CD2AP: variants seen among roughly 807,000 people sequenced by gnomAD.
CD2AP encodes CD2 associated protein, also known as CD2-associated protein.
In CD2AP, 46 loss-of-function variants were observed where a neutral mutation model predicts 85.1. That is an observed-to-expected ratio of 0.54 (90% confidence interval 0.43 to 0.69). The LOEUF (loss-of-function observed/expected upper bound fraction) is 0.69, where lower values mean the gene tolerates loss of function less well. Among genes scored for constraint, CD2AP ranks in the 30% least tolerant of loss-of-function variants. The pLI, the probability that CD2AP is intolerant of heterozygous loss-of-function variation, is 0.00. For synonymous variants in CD2AP, 255 were observed against 252.9 expected (o/e 1.01, Z -0.08); for missense variants, 769 against 729.5 (o/e 1.05, Z -0.62).
intron 7 of CD2AP, 29 bp downstream of exon 7, chr6:47,576,631 G>A (rs757454906): frequency 7.7e-6 from 11 of 1,428,220 alleles, no homozygotes; most frequent in Non-Finnish European, 9.9e-6. Context: ...CTTTCATATT[G>A]GGAATAGTAG....
At chr6:47,481,574 G>A (rs11754115) in intron 1 of CD2AP, among the ~76,000 whole-genome samples, 11,374 of 152,216 alleles carry the variant, frequency 0.075, 567 homozygotes, top group Non-Finnish European at 0.11. Flanking sequence ...TCGAACTCCT[G>A]ACCTCATGTG....
chr6:47,523,424 A>G (rs985783857), intron 2 of CD2AP, among the ~76,000 whole-genome samples: 4 of 152,162 alleles, frequency 2.6e-5, no homozygotes, highest in Non-Finnish European at 5.9e-5. Context: ...ATTTTTATTT[A>G]GAGAAAAGAA....
At chr6:47,582,278 G>A (rs1031692706) in intron 11 of CD2AP, 1 of 467,608 alleles carries the variant, frequency 2.1e-6, no homozygotes, top group Non-Finnish European at 3.9e-6. Flanking sequence ...TCAGTAGGAT[G>A]TTGTCTTTAT....
intron 2 of CD2AP, among the ~76,000 whole-genome samples, chr6:47,510,964 T>G (rs1411992087): frequency 6.7e-6 from 1 of 148,678 alleles, no homozygotes; most frequent in South Asian, 2.1e-4. Flanking sequence ...TCCCAGCTAC[T>G]CAGGAAGCTG....
Position 47,478,013 on chromosome 6 carries a change from C to T in CD2AP, c.-232C>T. 1 of 602,752 alleles carries T rather than the reference C, an allele frequency of 1.7e-6. No individual in the cohort carries two copies. The allele number at this position is 602,752 out of a possible 1,614,324, so 37.3% of individuals were successfully genotyped here. On this transcript the variant is annotated 5_prime_UTR_variant, in exon 1 of 18. Coordinates refer to ENST00000359314, the MANE Select transcript of CD2AP (RefSeq NM_012120.3). ...CCCGCCGCCGTGGCTCCTGGGGAGG[C>T]CAGGGGTGAGGAGCTGTCGCCGCCT... is the stretch of plus-strand genomic sequence containing the variant.
At chr6:47,610,262 C>T (rs1445843745) in intron 16 of CD2AP, among the ~76,000 whole-genome samples, 1 of 152,032 alleles carries the variant, frequency 6.6e-6, no homozygotes, top group Non-Finnish European at 1.5e-5. Context: ...AAAACTTGTT[C>T]ACATTTTAAG....
chr6:47,518,925 G>A (rs1766515973), intron 2 of CD2AP, among the ~76,000 whole-genome samples: 1 of 151,246 alleles, frequency 6.6e-6, no homozygotes, highest in Non-Finnish European at 1.5e-5. Context: ...AAGAGACACG[G>A]TAGTACTGTG....
At position 47,486,389 on chromosome 6, in the gene CD2AP, C is replaced by G. The variant is rs576856014; in HGVS notation, c.4+8141C>G. Among the ~76,000 whole-genome samples the G allele has an allele frequency of 1.9e-4, 29 of 152,080 alleles. 1 individual carries two copies. The South Asian group carries it at 6.0e-3, about 32-fold the overall frequency. ...TGATAGGAATAAGACAACATAATAA[C>G]AATGAAAGTTAGTATGTGAATCCAT... On this transcript the variant is annotated intron_variant, in intron 1 of 17. Transcript: ENST00000359314.
chr6:47,518,407 T>C (rs187261315), intron 2 of CD2AP, among the ~76,000 whole-genome samples: 11 of 152,370 alleles, frequency 7.2e-5, no homozygotes, highest in Admixed American at 2.0e-4. Flanking sequence ...ACCACTGATA[T>C]GCTTTTTGTC....
chr6:47,564,480 C>T (rs1319919372), intron 5 of CD2AP, among the ~76,000 whole-genome samples: 1 of 152,008 alleles, frequency 6.6e-6, no homozygotes, highest in Non-Finnish European at 1.5e-5. Context: ...TTATGCTATT[C>T]AGCTTGATTT....
At chr6:47,489,428 G>C (rs1294786326) in intron 1 of CD2AP, among the ~76,000 whole-genome samples, 1 of 151,828 alleles carries the variant, frequency 6.6e-6, no homozygotes, top group African/African-American at 2.4e-5. Context: ...TGCCCGCCTC[G>C]GCCTCCCAAA....
chr6:47,535,985 C>T (rs1767033828), intron 3 of CD2AP, among the ~76,000 whole-genome samples: 1 of 152,124 alleles, frequency 6.6e-6, no homozygotes. Flanking sequence ...TTTTGCCTTT[C>T]GTAAGAACAC....
chr6:47,566,652 T>C (rs578083135), intron 5 of CD2AP, among the ~76,000 whole-genome samples: 45 of 152,212 alleles, frequency 3.0e-4, no homozygotes, highest in African/African-American at 1.0e-3. Context: ...GGTGTGTGTT[T>C]CCCTACCTGT....
chr6:47,539,065 T>C (rs1237220381), intron 3 of CD2AP, among the ~76,000 whole-genome samples: 1 of 152,192 alleles, frequency 6.6e-6, no homozygotes, highest in African/African-American at 2.4e-5. Context: ...ATTAATTAAA[T>C]CTGCCACATA....
chr6:47,592,748 G>T (rs1014571751), intron 11 of CD2AP, among the ~76,000 whole-genome samples: 1 of 152,064 alleles, frequency 6.6e-6, no homozygotes, highest in Non-Finnish European at 1.5e-5. Flanking sequence ...CACATTGAGG[G>T]GATAGGAAGG....
chr6:47,492,294 A>G (rs980751910), intron 1 of CD2AP, among the ~76,000 whole-genome samples: 3 of 146,886 alleles, frequency 2.0e-5, no homozygotes, highest in African/African-American at 7.4e-5. Flanking sequence ...AAGTTCAAAG[A>G]TGGTGCCTTT....
intron 4 of CD2AP, among the ~76,000 whole-genome samples, chr6:47,548,096 A>G (rs962075051): frequency 1.3e-5 from 2 of 152,138 alleles, no homozygotes; most frequent in South Asian, 2.1e-4. Context: ...TGATGCCTAC[A>G]TCAAAGACTG....
At chr6:47,534,951 C>T (rs368440056) in intron 3 of CD2AP, among the ~76,000 whole-genome samples, 13 of 152,054 alleles carry the variant, frequency 8.5e-5, no homozygotes, top group African/African-American at 2.7e-4. Context: ...TGTGCCACCA[C>T]GTCTGCTAAT....
In CD2AP at chr6:47,489,633, C is replaced by G. The variant is rs368995533; in HGVS notation, c.4+11385C>G. On this transcript the variant is annotated intron_variant, in intron 1 of 17. Transcript: ENST00000359314. ...TTCTTACTATGCTAGGCTGAATGTACGGAGCATTCGGTTCCCCACAAGAAT... is the reference window on the plus strand; with the variant it reads ...TTCTTACTATGCTAGGCTGAATGTAGGGAGCATTCGGTTCCCCACAAGAAT... 8.5e-5 allele frequency among the ~76,000 whole-genome samples: 13 copies of G among 152,262 alleles called. No individual in the cohort carries two copies. The East Asian group carries it at 2.5e-3, about 29-fold the overall frequency.
Sources: allele counts gnomAD v4.1 joint callset (sites outside exome capture counted in the v4.1 genomes callset), GRCh38; gene constraint gnomAD v4.1.1; transcripts MANE v1.5; gene names NCBI Gene and HGNC (gene_info 2026-07-23, HGNC 2026-07-21).